The following URGCP variants were observed in gnomAD, a reference collection of about 807,000 sequenced individuals.
URGCP encodes the protein up-regulator of cell proliferation.
A neutral mutation model predicts 24.6 loss-of-function variants in URGCP; 13 were observed. The ratio of observed to expected loss-of-function variants is 0.53; its 90% confidence interval spans 0.34 to 0.84. The LOEUF is 0.84. Among genes scored for constraint, URGCP ranks in the 40% least tolerant of loss-of-function variants. The probability of loss-of-function intolerance (pLI) is 0.01; values close to 1 mark genes in which losing one functional copy is unlikely to be tolerated. For synonymous variants in URGCP, 444 were observed against 487.2 expected (o/e 0.91, Z 1.17); for missense variants, 899 against 1,194.3 (o/e 0.75, Z 3.64).
In URGCP at chr7:43,887,079, A is replaced by G. The variant is rs370065678; in HGVS notation, c.112+336T>C. On this transcript the variant is annotated intron_variant, in intron 3 of 5. Coordinates refer to ENST00000453200, the MANE Select transcript of URGCP (RefSeq NM_001077663.3). ...TACAGTCACCTTAACTATGACCTAC[A>G]ATGGCAGTTATGCTAAAATTGGGGT... 1.4e-3 allele frequency among the ~76,000 whole-genome samples: 208 copies of G among 152,314 alleles called. 1 individual carries two copies. The highest frequency in any genetic ancestry group is 4.8e-3 in the African/African-American group (201 of 41,566).
chr7:43,882,160 C>T, intron 3 of URGCP: 1 of 734,228 alleles, frequency 1.4e-6, no homozygotes, highest in South Asian at 2.2e-5. Flanking sequence ...AAAATTAGGC[C>T]AGGCATGGTG....
At position 43,918,917 on chromosome 7, in the gene URGCP, C is replaced by A. The variant is rs184578209; in HGVS notation, c.-116+7215G>T. 2.2e-3 allele frequency: 3,035 copies of A among 1,387,510 alleles called. 15 individuals carry two copies. The highest frequency in any genetic ancestry group is 6.9e-3 in the Admixed American group (414 of 59,580). The allele number at this position is 1,387,510 out of a possible 1,614,324, so 85.9% of individuals were successfully genotyped here. Reference sequence around the variant, plus strand: ...TGCTGGACCTGGAGCCCCAGGTGATCCACTCCATCCTCAACTCCCCCTGTG... The same window carrying A: ...TGCTGGACCTGGAGCCCCAGGTGATACACTCCATCCTCAACTCCCCCTGTG... On this transcript the variant is annotated intron_variant, in intron 1 of 5. Coordinates refer to the URGCP transcript ENST00000426198.
intron 1 of URGCP, among the ~76,000 whole-genome samples, chr7:43,920,464 G>T (rs2095921034): frequency 1.3e-5 from 2 of 152,218 alleles, no homozygotes; most frequent in Non-Finnish European, 2.9e-5. Context: ...TCAGTAGGCT[G>T]AGGCAGGTGA....
chr7:43,906,677 G>A, upstream of URGCP: 1 of 1,094,872 alleles, frequency 9.1e-7, no homozygotes, highest in South Asian at 4.4e-5. Context: ...GCCCGCTCCG[G>A]GACGCGCTCC....
In URGCP at chr7:43,876,813, C is replaced by T. The variant is rs1329468847; in HGVS notation, c.2650G>A (p.Gly884Arg). ...HIWHIPGLWHGAPPMAAVSLA... is the reference protein window; with the variant it reads ...HIWHIPGLWHRAPPMAAVSLA... ...CTCACTGCGGCCATGGGAGGTGCTC[C>T]GTGCCACAGGCCTGGGATGTGCCAG... Residue 884 changes from glycine to arginine, a missense_variant, in exon 6 of 6, where the codon GGA becomes AGA. Coordinates refer to ENST00000453200, the MANE Select transcript of URGCP (RefSeq NM_001077663.3). The T allele has an allele frequency of 1.1e-5, 18 of 1,614,094 alleles. No homozygotes were observed. Among genetic ancestry groups the T allele is most frequent in the East Asian group, 2.2e-5 (1 of 44,882 alleles).
At position 43,887,812 on chromosome 7, in the gene URGCP, C is replaced by A; in HGVS notation, c.19G>T (p.Glu7Ter). Residue 7 changes from glutamate to a stop codon, truncating the protein, a stop_gained, in exon 2 of 6, where the codon GAA becomes TAA. Transcript: ENST00000453200. LOFTEE classifies it high-confidence loss of function. ...TACCCTTTGCCCAGTAATTCCACTT[C>A]TATCCTAAGGAAATAATTAAGATTT... is the stretch of plus-strand genomic sequence containing the variant. Reference protein sequence around the residue: MASPGIEVELLGKGHSD... With the variant: MASPGI 1 of 1,526,716 alleles carries A rather than the reference C, an allele frequency of 6.6e-7. No individual in the cohort carries two copies. The highest frequency in any genetic ancestry group is 8.9e-7 in the Non-Finnish European group (1 of 1,125,286). The allele number at this position is 1,526,716 out of a possible 1,614,324, so 94.6% of individuals were successfully genotyped here. A position where few individuals can be genotyped will look rare whatever the true frequency, so the allele number is the denominator to read the frequency against.
In URGCP at chr7:43,876,806, G is replaced by A. The variant is rs778848291; in HGVS notation, c.2657C>T (p.Pro886Leu). The A allele has an allele frequency of 2.8e-5, 45 of 1,614,090 alleles. No individual in the cohort carries two copies. The highest frequency in any genetic ancestry group is 3.2e-5 in the Non-Finnish European group (38 of 1,180,054). ...GGCCAAGCTCACTGCGGCCATGGGAGGTGCTCCGTGCCACAGGCCTGGGAT... is the reference window on the plus strand; with the variant it reads ...GGCCAAGCTCACTGCGGCCATGGGAAGTGCTCCGTGCCACAGGCCTGGGAT... Reference protein sequence around the residue: ...WHIPGLWHGAPPMAAVSLAYS... With the variant: ...WHIPGLWHGALPMAAVSLAYS... The change falls in exon 6 of 6, where the codon CCT becomes CTT. Residue 886 changes from proline to leucine, a missense_variant. Coordinates refer to ENST00000453200, the MANE Select transcript of URGCP (RefSeq NM_001077663.3).
chr7:43,912,086 C>A (rs1416593605), intron 1 of URGCP, among the ~76,000 whole-genome samples: 1 of 151,902 alleles, frequency 6.6e-6, no homozygotes, highest in Non-Finnish European at 1.5e-5. Flanking sequence ...TACTTTAATG[C>A]CTATATTTAA....
intron 1 of URGCP, among the ~76,000 whole-genome samples, chr7:43,911,630 G>T (rs944442798): frequency 3.9e-5 from 6 of 152,188 alleles, no homozygotes; most frequent in African/African-American, 1.4e-4. Context: ...CTGGGAGGTG[G>T]AGGTTGTAGT....
At chr7:43,906,392 A>C (rs2095902858) in intron 1 of URGCP, 170 bp downstream of exon 1, 15 of 714,874 alleles carry the variant, frequency 2.1e-5, no homozygotes, top group South Asian at 1.3e-4. Flanking sequence ...CGGTCCGCCC[A>C]AGGTCGGCGC....
chr7:43,904,865 A>C (rs2095898139), intron 1 of URGCP, among the ~76,000 whole-genome samples: 1 of 152,216 alleles, frequency 6.6e-6, no homozygotes, highest in African/African-American at 2.4e-5. Context: ...TACAGTATGA[A>C]TACTGTAGGC....
chr7:43,915,613 T>A (rs1389974058), intron 1 of URGCP, among the ~76,000 whole-genome samples: 1 of 152,208 alleles, frequency 6.6e-6, no homozygotes, highest in East Asian at 1.9e-4. Flanking sequence ...AAGGGCCCCA[T>A]GCAGCTGTCT....
At chr7:43,920,048 C>A in intron 1 of URGCP, 2 of 1,309,384 alleles carry the variant, frequency 1.5e-6, no homozygotes, top group South Asian at 1.2e-5. Flanking sequence ...CTGGGGCACC[C>A]AGGAGCAGTG....
intron 1 of URGCP, among the ~76,000 whole-genome samples, chr7:43,921,280 C>G (rs2095922114): frequency 6.6e-6 from 1 of 151,438 alleles, no homozygotes; most frequent in South Asian, 2.1e-4. Context: ...GAGCTGAGAT[C>G]ACGCCACTGC....
intron 1 of URGCP, among the ~76,000 whole-genome samples, chr7:43,923,651 A>G (rs2095925291): frequency 1.3e-5 from 2 of 152,028 alleles, no homozygotes; most frequent in African/African-American, 4.8e-5. Context: ...TTCTATTCAC[A>G]TCTTTTGCCC....
chr7:43,919,111 A>C, intron 1 of URGCP: 1 of 881,850 alleles, frequency 1.1e-6, no homozygotes, highest in Non-Finnish European at 2.0e-6. Context: ...GTGCTGTGTC[A>C]GTTCATTGCT....
intron 1 of URGCP, among the ~76,000 whole-genome samples, chr7:43,905,428 C>T (rs1010815001): frequency 6.6e-6 from 1 of 152,054 alleles, no homozygotes; most frequent in Non-Finnish European, 1.5e-5. Flanking sequence ...GGCCTGGTCC[C>T]GGAAATGACC....
chr7:43,919,043 G>A, intron 1 of URGCP: 1 of 1,090,766 alleles, frequency 9.2e-7, no homozygotes, highest in Non-Finnish European at 1.4e-6. Flanking sequence ...AGATCCATGA[G>A]GACATTTTTA....
intron 1 of URGCP, among the ~76,000 whole-genome samples, chr7:43,903,928 G>A (rs889948153): frequency 6.6e-6 from 1 of 152,186 alleles, no homozygotes. Context: ...AGAGGAGCTG[G>A]CAGACAAGGA....
Sources: allele counts gnomAD v4.1 joint callset (sites outside exome capture counted in the v4.1 genomes callset), GRCh38; gene constraint gnomAD v4.1.1; transcripts MANE v1.5; gene names NCBI Gene and HGNC (gene_info 2026-07-23, HGNC 2026-07-21).